PTPRD: variants seen among roughly 807,000 people sequenced by gnomAD.
PTPRD encodes protein tyrosine phosphatase receptor type D.
Under a neutral mutation model 214.5 loss-of-function variants are expected in PTPRD, and 34 were observed. The observed-to-expected ratio is 0.16, with a 90% CI of 0.12 to 0.21. PTPRD has a LOEUF of 0.21. Among genes scored for constraint, PTPRD ranks in the 10% least tolerant of loss-of-function variants. The probability of loss-of-function intolerance (pLI) is 1.00; values close to 1 mark genes in which losing one functional copy is unlikely to be tolerated. For missense variants in PTPRD, 2,545 were observed against 2,398.7 expected (o/e 1.06, Z -1.27); for synonymous variants, 1,128 against 845.7 (o/e 1.33, Z -5.79).
intron 9 of PTPRD, among the ~76,000 whole-genome samples, chr9:9,275,654 A>G (rs1340373153): frequency 6.6e-6 from 1 of 151,178 alleles, no homozygotes; most frequent in Non-Finnish European, 1.5e-5. Flanking sequence ...TGCCCCCAGA[A>G]TATTGTCTTT....
chr9:9,021,708 T>C (rs1438388930), intron 10 of PTPRD, among the ~76,000 whole-genome samples: 1 of 152,046 alleles, frequency 6.6e-6, no homozygotes, highest in East Asian at 1.9e-4. Context: ...ACTCTTACCA[T>C]GTGTAGGCCT....
chr9:9,882,672 T>G (rs1263704025), intron 5 of PTPRD, among the ~76,000 whole-genome samples: 1 of 152,198 alleles, frequency 6.6e-6, no homozygotes, highest in East Asian at 1.9e-4. Flanking sequence ...GGTTGTGCAT[T>G]AAATGTCTTT....
chr9:8,828,897 G>A (rs569112867), intron 11 of PTPRD, among the ~76,000 whole-genome samples: 3 of 152,114 alleles, frequency 2.0e-5, no homozygotes, highest in African/African-American at 4.8e-5. Flanking sequence ...ATAACTTAGG[G>A]TGCGTTCATC....
chr9:8,745,784 TTCTCTCTCTCTCTC>T (rs60391748), intron 11 of PTPRD, among the ~76,000 whole-genome samples: 8 of 148,714 alleles, frequency 5.4e-5, no homozygotes, highest in African/African-American at 9.9e-5. Context: ...TTTATGGAGT[TTCTCTCTCTCTCTC>T]TCTCTCTCTC....
intron 2 of PTPRD, among the ~76,000 whole-genome samples, chr9:10,402,138 G>T (rs1358315707): frequency 1.3e-5 from 2 of 151,596 alleles, no homozygotes; most frequent in South Asian, 2.1e-4. Context: ...TAATTAAAGA[G>T]CAGGTACTAG....
At chr9:10,513,843 T>C (rs1036009038) in intron 2 of PTPRD, among the ~76,000 whole-genome samples, 1 of 152,144 alleles carries the variant, frequency 6.6e-6, no homozygotes, top group African/African-American at 2.4e-5. Context: ...TCTTTTTAAA[T>C]TCAGCATAAC....
rs897487819 is a variant in PTPRD, at chr9:9,005,220, G to C, written c.-104+13477C>G. On this transcript the variant is annotated intron_variant, in intron 11 of 45. Transcript: ENST00000381196. ...GTATTGACAACTTTCTATCTGATCA[G>C]TTCATTGCTAGGCATTTTGAATGAT... Among the ~76,000 whole-genome samples, 3 of 151,964 alleles carry C rather than the reference G, an allele frequency of 2.0e-5. No individual in the cohort carries two copies. The South Asian group carries it at 6.2e-4, about 32-fold the overall frequency.
At chr9:9,303,623 A>G (rs946971025) in intron 9 of PTPRD, among the ~76,000 whole-genome samples, 10 of 152,096 alleles carry the variant, frequency 6.6e-5, no homozygotes, top group African/African-American at 2.2e-4. Context: ...ATTAGATTCA[A>G]GAAAAATGGG....
At chr9:10,118,479 C>T (rs1235691797) in intron 3 of PTPRD, among the ~76,000 whole-genome samples, 2 of 151,578 alleles carry the variant, frequency 1.3e-5, no homozygotes, top group African/African-American at 2.4e-5. Context: ...TCACATAGTA[C>T]CTGACACATA....
At chr9:10,411,735 T>C (rs939328215) in intron 2 of PTPRD, among the ~76,000 whole-genome samples, 1 of 151,804 alleles carries the variant, frequency 6.6e-6, no homozygotes, top group African/African-American at 2.4e-5. Flanking sequence ...TATATTAGTT[T>C]AATAGGACTT....
chr9:9,077,056 T>C (rs535661504), intron 10 of PTPRD, among the ~76,000 whole-genome samples: 1 of 152,236 alleles, frequency 6.6e-6, no homozygotes, highest in South Asian at 2.1e-4. Context: ...TGGTCAATGA[T>C]GTTGAGCACC....
chr9:10,324,497 A>G (rs1278245998), intron 3 of PTPRD, among the ~76,000 whole-genome samples: 3 of 152,046 alleles, frequency 2.0e-5, no homozygotes, highest in African/African-American at 7.2e-5. Context: ...TGTTAGTATC[A>G]ATGTTATTAA....
intron 35 of PTPRD, among the ~76,000 whole-genome samples, chr9:8,420,553 A>G (rs1188945355): frequency 6.6e-6 from 1 of 152,190 alleles, no homozygotes; most frequent in Admixed American, 6.5e-5. Flanking sequence ...TGCTGTGGGA[A>G]TGATTATAGA....
intron 9 of PTPRD, among the ~76,000 whole-genome samples, chr9:9,238,711 G>T (rs1161315084): frequency 6.6e-6 from 1 of 152,044 alleles, no homozygotes; most frequent in Non-Finnish European, 1.5e-5. Flanking sequence ...TCCATGCAAT[G>T]AGGTATATTC....
At position 10,373,813 on chromosome 9, in the gene PTPRD, A is replaced by G. The variant is rs191763650; in HGVS notation, c.-599-32796T>C. Among the ~76,000 whole-genome samples the G allele has an allele frequency of 2.2e-3, 330 of 152,248 alleles. 1 individual carries two copies. The highest frequency in any genetic ancestry group is 7.7e-3 in the African/African-American group (320 of 41,572). On this transcript the variant is annotated intron_variant, in intron 2 of 45. Transcript: ENST00000381196. ...ACCAAACCCATGTTTCAACATGTCA[A>G]CAATTAGCTGGAGCTTAGCAGCTGC...
intron 14 of PTPRD, among the ~76,000 whole-genome samples, chr9:8,602,109 G>C (rs1464211320): frequency 1.3e-5 from 2 of 152,066 alleles, no homozygotes; most frequent in Non-Finnish European, 2.9e-5. Context: ...AACATGACAG[G>C]AACTCCCTCT....
intron 3 of PTPRD, among the ~76,000 whole-genome samples, chr9:10,117,938 T>A (rs1019959884): frequency 2.6e-5 from 4 of 152,092 alleles, no homozygotes; most frequent in Non-Finnish European, 4.4e-5. Context: ...ACAAAATGAT[T>A]TGTAGCTAGA....
chr9:9,095,237 T>C (rs953849327), intron 10 of PTPRD, among the ~76,000 whole-genome samples: 1 of 152,078 alleles, frequency 6.6e-6, no homozygotes, highest in Non-Finnish European at 1.5e-5. Flanking sequence ...CCCAACATAC[T>C]GCAAGTCTTA....
At chr9:9,286,830 G>T (rs747850618) in intron 9 of PTPRD, among the ~76,000 whole-genome samples, 6 of 127,708 alleles carry the variant, frequency 4.7e-5, no homozygotes, top group Non-Finnish European at 9.8e-5. Flanking sequence ...CTCAAAAAAT[G>T]AATGAGTAAA....
Sources: gnomAD v4.1 joint callset for allele counts (sites outside exome capture counted in the v4.1 genomes callset) on GRCh38, gnomAD v4.1.1 for gene constraint, MANE v1.5 for transcripts, NCBI Gene and HGNC (gene_info 2026-07-23, HGNC 2026-07-21) for gene names.